CLVS1: variants seen among roughly 807,000 people sequenced by gnomAD.
CLVS1 encodes clavesin-1.
CLVS1 carries 10 observed loss-of-function variants against 33.1 expected under a neutral mutation model. That is an observed-to-expected ratio of 0.30 (90% CI 0.19 to 0.51). The LOEUF is 0.51. Ranked by LOEUF, CLVS1 falls within the 20% of genes least tolerant of loss-of-function variation. The pLI is 0.97. For synonymous variants in CLVS1, 163 were observed against 166.1 expected (o/e 0.98, Z 0.14); for missense variants, 343 against 433.4 (o/e 0.79, Z 1.85).
intron 2 of CLVS1, among the ~76,000 whole-genome samples, chr8:61,319,959 A>G (rs925871090): frequency 6.6e-6 from 1 of 152,106 alleles, no homozygotes; most frequent in African/African-American, 2.4e-5. Flanking sequence ...GGTCTGTCAT[A>G]AGCTGATAAC....
intron 3 of CLVS1, among the ~76,000 whole-genome samples, chr8:61,419,553 A>G (rs1815575818): frequency 6.6e-6 from 1 of 152,164 alleles, no homozygotes; most frequent in African/African-American, 2.4e-5. Flanking sequence ...ATGGCAGGGG[A>G]CCTGTACTTG....
chr8:61,347,626 TTATATATATATATATATATA>T (rs56179025), intron 2 of CLVS1, among the ~76,000 whole-genome samples: 2,721 of 37,004 alleles, frequency 0.074, 158 homozygotes, highest in Admixed American at 0.13. Context: ...GGCCATTCCA[TTATATATATATATATATATA>T]TATATATATA....
In CLVS1 at chr8:61,372,808, T is replaced by C. The variant is rs139199976; in HGVS notation, c.456-3797T>C. Among the ~76,000 whole-genome samples, 9 of 152,344 alleles carry C rather than the reference T, an allele frequency of 5.9e-5. No individual in the cohort carries two copies. In the East Asian group the frequency reaches 1.7e-3, roughly 29 times the overall value. ...TCAATTGGAATTTGTCTAATGTTTT[T>C]CTCATGATTACTCTTGGGTTATATT... On this transcript the variant is annotated intron_variant, in intron 2 of 5. Transcript: ENST00000325897.
intron 1 of CLVS1, among the ~76,000 whole-genome samples, chr8:61,064,110 T>C (rs943528831): frequency 6.6e-6 from 1 of 152,252 alleles, no homozygotes; most frequent in African/African-American, 2.4e-5. Context: ...CCACATTTTG[T>C]TTACCCATCC....
intron 1 of CLVS1, among the ~76,000 whole-genome samples, chr8:61,107,865 A>G (rs1287132666): frequency 3.3e-5 from 5 of 152,234 alleles, no homozygotes; most frequent in Non-Finnish European, 5.9e-5. Flanking sequence ...GAACCAACAT[A>G]TTTTTATGTT....
intron 1 of CLVS1, among the ~76,000 whole-genome samples, chr8:61,297,711 T>A (rs1486740839): frequency 6.6e-6 from 1 of 152,028 alleles, no homozygotes; most frequent in South Asian, 2.1e-4. Flanking sequence ...GGGGGCAGGA[T>A]CTTAGAGAAC....
At chr8:61,307,598 T>C (rs1330507113) in intron 2 of CLVS1, among the ~76,000 whole-genome samples, 2 of 152,140 alleles carry the variant, frequency 1.3e-5, no homozygotes, top group Non-Finnish European at 2.9e-5. Context: ...AAACCCACAA[T>C]GCAAAAAAAT....
chr8:61,146,107 C>T (rs1290385375), intron 2 of CLVS1, among the ~76,000 whole-genome samples: 2 of 152,142 alleles, frequency 1.3e-5, no homozygotes, highest in East Asian at 3.8e-4. Flanking sequence ...TATCTGGAGG[C>T]TGTCATCACC....
chr8:61,356,186 G>A (rs1474988790), intron 2 of CLVS1, among the ~76,000 whole-genome samples: 5 of 151,892 alleles, frequency 3.3e-5, no homozygotes, highest in African/African-American at 1.2e-4. Context: ...ATTTTTTCAT[G>A]TGTTTTTTGG....
chr8:61,348,445 C>G (rs1020144994), intron 2 of CLVS1, among the ~76,000 whole-genome samples: 9 of 151,748 alleles, frequency 5.9e-5, no homozygotes, highest in African/African-American at 1.9e-4. Flanking sequence ...CAAACCTGCA[C>G]GTTGTGCACA....
intron 2 of CLVS1, among the ~76,000 whole-genome samples, chr8:61,226,556 A>T: frequency 6.6e-6 from 1 of 152,218 alleles, no homozygotes; most frequent in East Asian, 1.9e-4. Flanking sequence ...CTGAGTAGTG[A>T]AGAAGTATTA....
chr8:61,496,869 G>T (rs903027), intron 5 of CLVS1, among the ~76,000 whole-genome samples: 126,405 of 152,144 alleles, frequency 0.83, 52,832 homozygotes, highest in Non-Finnish European at 0.86. Context: ...AGGAACTGTG[G>T]GTTGGTAATA....
chr8:61,407,136 C>T (rs1815026320), intron 3 of CLVS1, among the ~76,000 whole-genome samples: 1 of 152,198 alleles, frequency 6.6e-6, no homozygotes, highest in Admixed American at 6.5e-5. Context: ...GGGAATTCCT[C>T]ATAGGCTGAG....
At chr8:61,041,279 A>G in the CLVS1 span, among the ~76,000 whole-genome samples, 1 of 151,614 alleles carries the variant, frequency 6.6e-6, no homozygotes, top group Non-Finnish European at 1.5e-5. Flanking sequence ...GCCTCCAGCT[A>G]TGTTGCTTAG....
intron 2 of CLVS1, among the ~76,000 whole-genome samples, chr8:61,328,660 C>A (rs1302415941): frequency 1.3e-5 from 2 of 152,138 alleles, no homozygotes; most frequent in African/African-American, 4.8e-5. Context: ...GCCTTACAAG[C>A]CCTCTAGCAT....
At chr8:61,353,135 C>T (rs1001723514) in intron 2 of CLVS1, among the ~76,000 whole-genome samples, 4 of 151,876 alleles carry the variant, frequency 2.6e-5, no homozygotes, top group African/African-American at 9.7e-5. Context: ...CCTCAACCTC[C>T]CCACCCTCAG....
the CLVS1 span, among the ~76,000 whole-genome samples, chr8:60,973,661 C>G: frequency 6.6e-6 from 1 of 152,220 alleles, no homozygotes; most frequent in Non-Finnish European, 1.5e-5. Context: ...TGCCTTTTGA[C>G]TTGGGGTTTT....
Position 61,448,030 on chromosome 8 carries a change from G to A in CLVS1, c.631-6111G>A, listed in dbSNP as rs567254188. On this transcript the variant is annotated intron_variant, in intron 3 of 5. Coordinates refer to ENST00000325897, the MANE Select transcript of CLVS1 (RefSeq NM_173519.3). The stretch of plus-strand genomic sequence containing the variant: ...GAAGAGCATTTTTACTAGAATTCTG[G>A]GTTGACAGTTCCTTTTTTTCAGTAC... 1.9e-3 allele frequency among the ~76,000 whole-genome samples: 295 copies of A among 151,980 alleles called. 1 individual carries two copies. Among genetic ancestry groups the A allele is most frequent in the African/African-American group, 6.6e-3 (274 of 41,452 alleles).
chr8:61,345,231 C>T (rs987384546), intron 2 of CLVS1, among the ~76,000 whole-genome samples: 5 of 152,190 alleles, frequency 3.3e-5, no homozygotes, highest in African/African-American at 7.2e-5. Flanking sequence ...CAGTAGGCCC[C>T]ATACACTTGC....
Sources: allele counts gnomAD v4.1 joint callset (sites outside exome capture counted in the v4.1 genomes callset), GRCh38; gene constraint gnomAD v4.1.1; transcripts MANE v1.5; gene names NCBI Gene and HGNC (gene_info 2026-07-23, HGNC 2026-07-21).